HNRNPC: variants seen among roughly 807,000 people sequenced by gnomAD.
HNRNPC encodes the protein heterogeneous nuclear ribonucleoprotein C, also known as heterogeneous nuclear ribonucleoproteins C1/C2.
A neutral mutation model predicts 33.2 loss-of-function variants in HNRNPC; 3 were observed. The observed-to-expected ratio is 0.09, with a 90% CI of 0.04 to 0.23. The LOEUF (loss-of-function observed/expected upper bound fraction) is 0.23, where lower values mean the gene tolerates loss of function less well. Ranked by LOEUF, HNRNPC falls within the 10% of genes least tolerant of loss-of-function variation. The pLI is 1.00. For missense variants in HNRNPC, 143 were observed against 366.7 expected (o/e 0.39, Z 4.98); for synonymous variants, 121 against 126.7 (o/e 0.96, Z 0.30).
At chr14:21,213,348 GAAAAT>G in intron 5 of HNRNPC, 4 of 479,220 alleles carry the variant, frequency 8.3e-6, no homozygotes, top group Non-Finnish European at 1.1e-5. Context: ...TTTTCCTCAG[GAAAAT>G]AAAACATATA....
At position 21,247,997 on chromosome 14, in the gene HNRNPC, GA is replaced by G. The variant is rs142900559; in HGVS notation, c.-36-13769del. Among the ~76,000 whole-genome samples, 41 of 144,090 alleles carry G rather than the reference GA, an allele frequency of 2.8e-4. 1 individual carries two copies. The highest frequency in any genetic ancestry group is 6.5e-4 in the South Asian group (3 of 4,586). The allele number at this position is 144,090 out of a possible 152,430, so 94.5% of individuals were successfully genotyped here. On this transcript the variant is annotated intron_variant, in intron 2 of 8. Coordinates refer to ENST00000553300, the MANE Select transcript of HNRNPC (RefSeq NM_004500.4). ...TGCAGTAAGATTACATCATAAAAAAGAAAAAAAAAACCCGTATCATCACAAA... is the reference window on the plus strand; with the variant it reads ...TGCAGTAAGATTACATCATAAAAAAGAAAAAAAAACCCGTATCATCACAAA...
chr14:21,221,027 C>T (rs1382871847), intron 5 of HNRNPC, among the ~76,000 whole-genome samples: 1 of 152,108 alleles, frequency 6.6e-6, no homozygotes. Context: ...GCAAAAGGTG[C>T]AGTGAGCTGA....
rs781174053 is a variant in HNRNPC, at chr14:21,212,961, C to T, written c.522G>A (p.Lys174=). 2.2e-5 allele frequency: 35 copies of T among 1,613,694 alleles called. No homozygotes were observed. The highest frequency in any genetic ancestry group is 1.7e-4 in the Middle Eastern group (1 of 5,948). ...SGQRGSSKSG[K]LKGDDLQAIK... ...ATCACAAAATGAAATAATACATACA[C>T]TTTCCAGACTTGGAAGATCCCCGCT... The change falls in exon 6 of 9, where the codon AAG becomes AAA. Residue 174 remains lysine (K), a splice_region_variant and synonymous_variant. Transcript: ENST00000553300.
At chr14:21,250,369 G>A (rs968617205) in intron 2 of HNRNPC, among the ~76,000 whole-genome samples, 6 of 152,066 alleles carry the variant, frequency 3.9e-5, no homozygotes, top group African/African-American at 1.4e-4. Flanking sequence ...CCTGGTGGAA[G>A]GTATATTAAG....
rs753630008 is a variant in HNRNPC, at chr14:21,213,121, T to C, written c.366-4A>G. ...ACGTGCTGGGTAACTGTACATCCTA[T>C]TGGATAAGAGGAAAATGGAATTCAT... On this transcript the variant is annotated splice_region_variant and splice_polypyrimidine_tract_variant and intron_variant, in intron 5 of 8. Coordinates refer to ENST00000553300, the MANE Select transcript of HNRNPC (RefSeq NM_004500.4). 9 of 1,613,528 alleles carry C rather than the reference T, an allele frequency of 5.6e-6. No individual in the cohort carries two copies. Among genetic ancestry groups the C allele is most frequent in the African/African-American group, 1.3e-5 (1 of 74,894 alleles).
chr14:21,212,443 C>T (rs918228811), intron 6 of HNRNPC, among the ~76,000 whole-genome samples: 1 of 152,144 alleles, frequency 6.6e-6, no homozygotes, highest in Non-Finnish European at 1.5e-5. Context: ...ACTTAACGCA[C>T]ACCTCAACTA....
intron 2 of HNRNPC, among the ~76,000 whole-genome samples, chr14:21,245,262 G>A (rs1162012800): frequency 2.0e-5 from 3 of 152,040 alleles, no homozygotes; most frequent in South Asian, 2.1e-4. Context: ...TTTGGAGGCC[G>A]AGGTGGGTGG....
chr14:21,227,491 T>G (rs1316015411), intron 5 of HNRNPC, among the ~76,000 whole-genome samples: 1 of 152,254 alleles, frequency 6.6e-6, no homozygotes, highest in African/African-American at 2.4e-5. Flanking sequence ...CGACAGTAAC[T>G]ACTAGTATCG....
intron 5 of HNRNPC, among the ~76,000 whole-genome samples, chr14:21,218,452 G>A (rs181772638): frequency 6.6e-6 from 1 of 151,722 alleles, no homozygotes; most frequent in East Asian, 2.0e-4. Flanking sequence ...TCCGGAGGCC[G>A]AGGCAGGTGG....
chr14:21,251,048 T>C (rs905445850), intron 2 of HNRNPC, among the ~76,000 whole-genome samples: 4 of 151,662 alleles, frequency 2.6e-5, no homozygotes, highest in African/African-American at 9.7e-5. Flanking sequence ...GATCACGAGG[T>C]CAGGAGATCG....
chr14:21,260,369 TAAAAAAAA>T (rs11345053), intron 2 of HNRNPC, among the ~76,000 whole-genome samples: 1 of 122,210 alleles, frequency 8.2e-6, no homozygotes, highest in Admixed American at 8.3e-5. Context: ...CCGTCTTATT[TAAAAAAAA>T]AAAAAAAAAA....
intron 2 of HNRNPC, among the ~76,000 whole-genome samples, chr14:21,253,769 CT>C (rs1427876211): frequency 1.3e-5 from 2 of 151,502 alleles, no homozygotes; most frequent in East Asian, 3.9e-4. Flanking sequence ...AACTTAAGAA[CT>C]TTTTAAAATG....
chr14:21,222,737 C>CA (rs941465423), intron 5 of HNRNPC, among the ~76,000 whole-genome samples: 17 of 151,536 alleles, frequency 1.1e-4, no homozygotes, highest in Non-Finnish European at 2.1e-4. Flanking sequence ...CTAAAAATAA[C>CA]AAAAAAATTA....
At chr14:21,254,095 A>C (rs909385485) in intron 2 of HNRNPC, among the ~76,000 whole-genome samples, 1 of 129,274 alleles carries the variant, frequency 7.7e-6, no homozygotes, top group African/African-American at 3.0e-5. Flanking sequence ...TACTCTGCCC[A>C]CCTCCCCGGC....
chr14:21,246,135 A>G (rs1895954276), intron 2 of HNRNPC, among the ~76,000 whole-genome samples: 1 of 152,016 alleles, frequency 6.6e-6, no homozygotes, highest in South Asian at 2.1e-4. Context: ...GCTCCATTAT[A>G]ATCTTAAGGG....
intron 3 of HNRNPC, 28 bp downstream of exon 3, chr14:21,233,925 T>A (rs746709004): frequency 3.1e-6 from 5 of 1,608,844 alleles, no homozygotes; most frequent in Non-Finnish European, 3.4e-6. Flanking sequence ...AGGCCTGAAT[T>A]ACATCATCAA....
At chr14:21,239,627 A>C (rs531491310) in intron 2 of HNRNPC, among the ~76,000 whole-genome samples, 1 of 152,250 alleles carries the variant, frequency 6.6e-6, no homozygotes, top group East Asian at 1.9e-4. Context: ...TAATCCCAGC[A>C]CTTTGGGAGG....
chr14:21,220,631 G>A (rs766881084), intron 5 of HNRNPC, among the ~76,000 whole-genome samples: 1 of 152,074 alleles, frequency 6.6e-6, no homozygotes, highest in Admixed American at 6.6e-5. Flanking sequence ...TGACTTCTAG[G>A]AAATAATAAT....
chr14:21,262,379 AG>A (rs1878392425), intron 2 of HNRNPC, among the ~76,000 whole-genome samples: 1 of 152,236 alleles, frequency 6.6e-6, no homozygotes, highest in Non-Finnish European at 1.5e-5. Context: ...GCTCTTTCCA[AG>A]TATCCAAAAT....
Sources: gnomAD v4.1 joint callset for allele counts (sites outside exome capture counted in the v4.1 genomes callset) on GRCh38, gnomAD v4.1.1 for gene constraint, MANE v1.5 for transcripts, NCBI Gene and HGNC (gene_info 2026-07-23, HGNC 2026-07-21) for gene names.